DDHD2: variants seen among roughly 807,000 people sequenced by gnomAD.
DDHD2 encodes the protein DDHD domain containing 2, also known as triacylglycerol hydrolase DDHD2.
In DDHD2, 62 loss-of-function variants were observed where a neutral mutation model predicts 91.2. That is an observed-to-expected ratio of 0.68 (90% CI 0.55 to 0.84). DDHD2 has a LOEUF of 0.84. DDHD2 is among the 40% of genes least tolerant of loss of function. The pLI is 0.00. For missense variants in DDHD2, 740 were observed against 846.9 expected, an observed-to-expected ratio of 0.87 and a Z score of 1.57; for synonymous variants, 271 against 293.9, an observed-to-expected ratio of 0.92 and a Z score of 0.80.
Position 38,252,787 on chromosome 8 carries a change from G to T in DDHD2, c.1683G>T (p.Leu561=). 1 of 1,614,046 alleles carries T rather than the reference G, an allele frequency of 6.2e-7. No individual in the cohort carries two copies. The highest frequency in any genetic ancestry group is 8.5e-7 in the Non-Finnish European group (1 of 1,179,996). ...CAGGAGTGGAATTTGAGCCAATGCT[G>T]ATCCCACATCATAAAGGCAGGAAGC... ...VVPGVEFEPM[L]IPHHKGRKRM... is the part of the protein sequence containing the mutation. The change falls in exon 14 of 18, where the codon CTG becomes CTT. Residue 561 remains leucine (L), a synonymous_variant. Transcript: ENST00000397166.
chr8:38,264,826 A>G, downstream of DDHD2: 2 of 1,569,774 alleles, frequency 1.3e-6, no homozygotes, highest in South Asian at 1.2e-5. Context: ...AAATCAAAAC[A>G]CATCTTAAGT....
chr8:38,258,397 C>T (rs1806710865), intron 16 of DDHD2, among the ~76,000 whole-genome samples: 1 of 151,920 alleles, frequency 6.6e-6, no homozygotes, highest in South Asian at 2.1e-4. Context: ...GGACTATAGG[C>T]ATGTGCCACC....
intron 10 of DDHD2, among the ~76,000 whole-genome samples, chr8:38,248,069 G>A (rs557751332): frequency 6.6e-6 from 1 of 152,164 alleles, no homozygotes; most frequent in Non-Finnish European, 1.5e-5. Flanking sequence ...TAACCAGTAC[G>A]GCTCATAGAA....
At chr8:38,245,016 CATTA>C (rs1805516992) in intron 7 of DDHD2, among the ~76,000 whole-genome samples, 2 of 150,544 alleles carry the variant, frequency 1.3e-5, no homozygotes, top group South Asian at 2.1e-4. Context: ...TTTTTATATA[CATTA>C]ATTATATAAT....
At chr8:38,256,914 C>G (rs1322759826) in intron 16 of DDHD2, among the ~76,000 whole-genome samples, 3 of 151,968 alleles carry the variant, frequency 2.0e-5, no homozygotes, top group Non-Finnish European at 2.9e-5. Context: ...TCCACATCAA[C>G]TTTTTTTTAT....
At chr8:38,264,012 A>G (rs1807236797), downstream of DDHD2, 1 of 986,224 alleles carries the variant, frequency 1.0e-6, no homozygotes, top group Non-Finnish European at 1.2e-6. Context: ...AAAAGTGTGT[A>G]ATCATTTGGA....
rs1014951797 is a variant in DDHD2 at position 38,231,778 on chromosome 8, G to C, written c.-90G>C. On this transcript the variant is annotated 5_prime_UTR_variant, in exon 1 of 18. Transcript: ENST00000397166. ...CCCTGCTCCGCCGCGCCCCGCCCGG[G>C]CTGGGGTAAAGGCCGCGGCCGGGCC... The C allele has an allele frequency of 6.6e-6, 1 of 152,212 alleles. No homozygotes were observed. The highest frequency in any genetic ancestry group is 6.5e-5 in the Admixed American group (1 of 15,274). The allele number at this position is 152,212 out of a possible 1,614,324, so 9.4% of individuals were successfully genotyped here.
At chr8:38,265,086 T>G (rs1236813577), downstream of DDHD2, 1 of 663,568 alleles carries the variant, frequency 1.5e-6, no homozygotes, top group Admixed American at 2.6e-5. Flanking sequence ...GACCAACAAG[T>G]GAAACCCTGT....
chr8:38,242,545 G>T (rs1805335336), intron 7 of DDHD2, among the ~76,000 whole-genome samples, 160 bp downstream of exon 7: 1 of 152,176 alleles, frequency 6.6e-6, no homozygotes, highest in Non-Finnish European at 1.5e-5. Context: ...ATTAGCCCTG[G>T]TTAGGAGTGG....
Position 38,249,737 on chromosome 8 carries a change from A to G in DDHD2, c.1278A>G (p.Glu426=), listed in dbSNP as rs775845911. Residue 426 remains glutamate (E), a synonymous_variant, in exon 11 of 18, where the codon GAA becomes GAG. Coordinates refer to ENST00000397166, the MANE Select transcript of DDHD2 (RefSeq NM_015214.3). ...TATGTACAGACCGAGATCTTCAGGA[A>G]ATAGGAATTCCTTTAGGACCAAGAA... ...LALCTDRDLQ[E]IGIPLGPRKK... 3.7e-6 allele frequency: 6 copies of G among 1,611,368 alleles called. No homozygotes were observed. The highest frequency in any genetic ancestry group is 1.3e-5 in the African/African-American group (1 of 74,826).
chr8:38,254,392 A>G (rs1806349171), intron 16 of DDHD2, among the ~76,000 whole-genome samples: 1 of 151,970 alleles, frequency 6.6e-6, no homozygotes, highest in Non-Finnish European at 1.5e-5. Flanking sequence ...TTATTTTATC[A>G]TTATTTGAGA....
In DDHD2 at chr8:38,268,866, A is replaced by G. The variant is rs191128391; in HGVS notation, n.88-2256A>G. On this transcript the variant is annotated intron_variant and non_coding_transcript_variant, in intron 1 of 1. Transcript: ENST00000526071. ...GGGTCATGGGGAGGGAGGAAAGACG[A>G]TCTTTCTCCACGCACAAACATCGGC... 8 of 1,542,134 alleles carry G rather than the reference A, an allele frequency of 5.2e-6. No homozygotes were observed. In the East Asian group the frequency reaches 1.9e-4, roughly 37 times the overall value.
At chr8:38,238,523 G>A in intron 5 of DDHD2, 2 of 1,088,040 alleles carry the variant, frequency 1.8e-6, no homozygotes, top group South Asian at 2.6e-5. Context: ...ATTTATACCT[G>A]GTAATAACTC....
chr8:38,233,936 A>AAG (rs1554511067), intron 2 of DDHD2, among the ~76,000 whole-genome samples: 2 of 151,818 alleles, frequency 1.3e-5, no homozygotes, highest in Non-Finnish European at 2.9e-5. Context: ...TCAAAAAAAA[A>AAG]AAAAGAAAAG....
chr8:38,272,018 T>A (rs1015216508), downstream of DDHD2: 2 of 152,242 alleles, frequency 1.3e-5, no homozygotes, highest in Non-Finnish European at 2.9e-5. Flanking sequence ...GAATACACCA[T>A]GCAAGAAACT....
chr8:38,270,855 G>A (rs545949446), intron 1 of DDHD2: 1 of 152,214 alleles, frequency 6.6e-6, no homozygotes, highest in East Asian at 1.9e-4. Context: ...TCCCCCTCCC[G>A]CTTCATACAT....
chr8:38,245,274 A>G (rs570808350), intron 7 of DDHD2, among the ~76,000 whole-genome samples: 2 of 152,098 alleles, frequency 1.3e-5, no homozygotes, highest in South Asian at 4.2e-4. Context: ...ACTACTAAAA[A>G]TACAAAAATT....
At chr8:38,270,065 T>A (rs1808389775) in intron 1 of DDHD2, 1 of 152,208 alleles carries the variant, frequency 6.6e-6, no homozygotes, top group Non-Finnish European at 1.5e-5. Flanking sequence ...TCTTGAAGTC[T>A]ATGTGGCAAC....
downstream of DDHD2, chr8:38,267,528 G>T: frequency 1.0e-6 from 1 of 989,330 alleles, no homozygotes; most frequent in Non-Finnish European, 1.5e-6. Flanking sequence ...GCTTAGTATA[G>T]TCACCACACT....
Sources: allele counts gnomAD v4.1 joint callset (sites outside exome capture counted in the v4.1 genomes callset), GRCh38; gene constraint gnomAD v4.1.1; transcripts MANE v1.5; gene names NCBI Gene and HGNC (gene_info 2026-07-23, HGNC 2026-07-21).